Variants in ARSG observed in about 807,000 individuals in gnomAD.
ARSG encodes ASG.
Under a neutral mutation model 50.5 loss-of-function variants are expected in ARSG, and 37 were observed. The ratio of observed to expected loss-of-function variants is 0.73; its 90% CI spans 0.56 to 0.96. ARSG has a LOEUF of 0.96. Ranked by LOEUF, ARSG falls within the 50% of genes least tolerant of loss-of-function variation. The pLI is 0.00. For missense variants in ARSG, 629 were observed against 675.3 expected, an observed-to-expected ratio of 0.93 and a Z score of 0.76; for synonymous variants, 225 against 254.6, an observed-to-expected ratio of 0.88 and a Z score of 1.11.
At chr17:68,439,726 G>T in the ARSG span, among the ~76,000 whole-genome samples, 1 of 152,206 alleles carries the variant, frequency 6.6e-6, no homozygotes, top group African/African-American at 2.4e-5. Flanking sequence ...TCAAGACTGA[G>T]GTCTGCTATG....
In ARSG at chr17:68,368,404, A is replaced by C. The variant is rs939587607; in HGVS notation, c.705-144A>C. 1.3e-5 allele frequency: 9 copies of C among 683,522 alleles called. No individual in the cohort carries two copies. The African/African-American group carries it at 1.6e-4, about 12-fold the overall frequency. The allele number at this position is 683,522 out of a possible 1,614,324, so 42.3% of individuals were successfully genotyped here. ...CAGATTGCTTTCACATTTCCTTGGA[A>C]GATTCTGGATAAATGTGTCCTTCTT... On this transcript the variant is annotated intron_variant, in intron 6 of 11. Coordinates refer to ENST00000621439, the MANE Select transcript of ARSG (RefSeq NM_001267727.2).
chr17:68,442,766 C>G, the ARSG span, among the ~76,000 whole-genome samples: 1 of 152,154 alleles, frequency 6.6e-6, no homozygotes, highest in Non-Finnish European at 1.5e-5. Context: ...CAACTGTGTC[C>G]GCACCCCAGA....
chr17:68,316,796 C>T (rs1042060225), intron 2 of ARSG, among the ~76,000 whole-genome samples: 15 of 152,122 alleles, frequency 9.9e-5, no homozygotes, highest in Non-Finnish European at 7.4e-5. Flanking sequence ...GGCCCTGCTC[C>T]CCTGTTCGTC....
In ARSG at chr17:68,307,711, G is replaced by A. The variant is rs1555764955; in HGVS notation, c.218G>A (p.Arg73Lys). Reference protein sequence around the residue: ...NLDKMASEGMRFVDFHAAAST... With the variant: ...NLDKMASEGMKFVDFHAAAST... The stretch of plus-strand genomic sequence containing the variant: ...GATAAGATGGCTTCGGAGGGAATGA[G>A]GTGAGTCTTGAGATGCCAGGCCAGC... Residue 73 changes from arginine to lysine, a missense_variant and splice_region_variant, in exon 2 of 12, where the codon AGG (arginine) becomes AAG (lysine). Physicochemically the swap from Arg to Lys is conservative, Grantham distance 26. Coordinates refer to ENST00000621439, the MANE Select transcript of ARSG (RefSeq NM_001267727.2). 3 of 1,531,630 alleles carry A rather than the reference G, an allele frequency of 2.0e-6. No homozygotes were observed. The highest frequency in any genetic ancestry group is 2.7e-6 in the Non-Finnish European group (3 of 1,105,582). 94.9% of individuals were successfully genotyped at this position (1,531,630 alleles called of 1,614,324 possible). A position where few individuals can be genotyped will look rare whatever the true frequency, so the allele number is the denominator to read the frequency against.
chr17:68,293,706 A>C (rs1555757170), intron 1 of ARSG, among the ~76,000 whole-genome samples: 1 of 152,184 alleles, frequency 6.6e-6, no homozygotes, highest in Non-Finnish European at 1.5e-5. Context: ...GGCACTGAGC[A>C]CTGGAGGGAT....
chr17:68,422,490 A>C (rs1039133787), downstream of ARSG: 1 of 148,704 alleles, frequency 6.7e-6, no homozygotes, highest in South Asian at 2.2e-4. Flanking sequence ...CCAGCACTTT[A>C]GGAGGCTGAG....
At chr17:68,434,065 C>T in the ARSG span, among the ~76,000 whole-genome samples, 5 of 152,108 alleles carry the variant, frequency 3.3e-5, no homozygotes, top group East Asian at 5.8e-4. Context: ...CCACCGCGCC[C>T]GGCCCATAGT....
At chr17:68,361,023 C>T (rs1431643259) in intron 6 of ARSG, among the ~76,000 whole-genome samples, 1 of 152,116 alleles carries the variant, frequency 6.6e-6, no homozygotes, top group Non-Finnish European at 1.5e-5. Flanking sequence ...CGGCGTTTCA[C>T]CATGTTGGCC....
intron 2 of ARSG, among the ~76,000 whole-genome samples, chr17:68,317,334 A>G (rs1875588045): frequency 6.6e-6 from 1 of 152,194 alleles, no homozygotes; most frequent in African/African-American, 2.4e-5. Context: ...CTTTGGGAGA[A>G]ACTGAGGCCG....
intron 1 of ARSG, among the ~76,000 whole-genome samples, chr17:68,302,920 G>A (rs781859725): frequency 6.6e-6 from 1 of 152,138 alleles, no homozygotes; most frequent in Non-Finnish European, 1.5e-5. Flanking sequence ...GGTGAATGCT[G>A]TATTTGCCAA....
chr17:68,289,492 G>A (rs924991394), upstream of ARSG, among the ~76,000 whole-genome samples: 2 of 152,204 alleles, frequency 1.3e-5, no homozygotes, highest in African/African-American at 2.4e-5. Flanking sequence ...GAAATGGGGT[G>A]GCTACTGTTG....
rs1305529121 is a variant in ARSG, at chr17:68,271,797, C to T, written c.-552+12371C>T. The T allele has an allele frequency of 3.0e-6, 2 of 657,392 alleles. No homozygotes were observed. The highest frequency in any genetic ancestry group is 5.2e-6 in the Non-Finnish European group (2 of 384,052). 40.7% of individuals were successfully genotyped at this position (657,392 alleles called of 1,614,324 possible). A position where few individuals can be genotyped will look rare whatever the true frequency, so the allele number is the denominator to read the frequency against. On this transcript the variant is annotated intron_variant, in intron 1 of 11. Transcript: ENST00000448504. This position sits in a 1 kb window ranked among gnomAD's most constrained non-coding sequence, Gnocchi z 5.3. ...TATTATACTCAGCAGTATGAATGTA[C>T]TCAATCTTTATTTATTTACTTTTTG...
chr17:68,427,067 G>T, downstream of ARSG: 1 of 1,298,674 alleles, frequency 7.7e-7, no homozygotes. Context: ...AGGGGAGGGA[G>T]CGTGCAGGGA....
chr17:68,441,076 C>T, the ARSG span: 5 of 152,206 alleles, frequency 3.3e-5, no homozygotes, highest in African/African-American at 1.2e-4. Context: ...CTCAATATCC[C>T]ATAAAAGGTG....
At chr17:68,265,292 G>A (rs531182090) in intron 1 of ARSG, among the ~76,000 whole-genome samples, 4 of 151,966 alleles carry the variant, frequency 2.6e-5, no homozygotes, top group Non-Finnish European at 5.9e-5. Flanking sequence ...TCAGGAGTTC[G>A]AGACCAGCCT....
rs984930766 is a variant in ARSG, at chr17:68,381,519, G to A, written c.983-3545G>A. ...AATGAATAGTGTTTGAAATTGAAAA[G>A]TGATTAGAAGTTTCATTTATGGATT... On this transcript the variant is annotated intron_variant, in intron 8 of 11. Coordinates refer to ENST00000621439, the MANE Select transcript of ARSG (RefSeq NM_001267727.2). The surrounding 1 kb of genome is among the most constrained non-coding windows in gnomAD (Gnocchi z 4.1). Among the ~76,000 whole-genome samples, 4 of 152,116 alleles carry A rather than the reference G, an allele frequency of 2.6e-5. No homozygotes were observed. The highest frequency in any genetic ancestry group is 9.7e-5 in the African/African-American group (4 of 41,414).
intron 1 of ARSG, among the ~76,000 whole-genome samples, chr17:68,306,013 T>C (rs1170558615): frequency 1.3e-5 from 2 of 152,026 alleles, no homozygotes; most frequent in Admixed American, 6.6e-5. Context: ...TTCTTCTTTT[T>C]TTTTTTGAGA....
chr17:68,337,731 C>T (rs1331820788), intron 2 of ARSG, among the ~76,000 whole-genome samples: 1 of 152,158 alleles, frequency 6.6e-6, no homozygotes, highest in Non-Finnish European at 1.5e-5. Flanking sequence ...GATTCTCCTG[C>T]CTCAGCCTCC....
chr17:68,390,438 C>T (rs1241449895), intron 9 of ARSG, among the ~76,000 whole-genome samples: 1 of 152,190 alleles, frequency 6.6e-6, no homozygotes, highest in Non-Finnish European at 1.5e-5. Flanking sequence ...TCACCCTGCC[C>T]ACTCTGAGGA....
Sources: allele counts gnomAD v4.1 joint callset (sites outside exome capture counted in the v4.1 genomes callset), GRCh38; gene constraint gnomAD v4.1.1; non-coding constraint Gnocchi (gnomAD v3.1); transcripts MANE v1.5; gene names NCBI Gene and HGNC (gene_info 2026-07-23, HGNC 2026-07-21).